OLIG2: variants seen among roughly 807,000 people sequenced by gnomAD.
OLIG2 encodes basic domain, helix-loop-helix protein, class B, 1.
Under a neutral mutation model 13.4 loss-of-function variants are expected in OLIG2, and 12 were observed. The ratio of observed to expected loss-of-function variants is 0.90; its 90% CI spans 0.58 to 1.46. The LOEUF (loss-of-function observed/expected upper bound fraction) is 1.46, where lower values mean the gene tolerates loss of function less well. Ranked by LOEUF, OLIG2 falls within the 40% of genes most tolerant of loss-of-function variation. The probability of loss-of-function intolerance (pLI) is 0.00; values close to 1 mark genes in which losing one functional copy is unlikely to be tolerated. For synonymous variants in OLIG2, 250 were observed against 233.6 expected (o/e 1.07, Z -0.64); for missense variants, 415 against 487.9 (o/e 0.85, Z 1.41).
In OLIG2 at chr21:33,026,964, C is replaced by A; in HGVS notation, c.102C>A (p.Phe34Leu). ...GTAAGGGCAGCAGCGGCAGCGCCTT[C>A]ACTGGGGGCACCGTGTCCTCGTCCA... ...ARSKGSSGSA[F>L]TGGTVSSSTP... The change falls in exon 2 of 2, where the codon TTC (phenylalanine) becomes TTA (leucine). Residue 34 changes from phenylalanine (F) to leucine (L), a missense_variant. Around this residue, in one of 3 missense-constraint regions of OLIG2, gnomAD observed 122 missense variants for 126.8 expected, o/e 0.96. Transcript: ENST00000382357. The surrounding 1 kb of genome is among the most constrained non-coding windows in gnomAD (Gnocchi z 6.6). The A allele has an allele frequency of 6.2e-7, 1 of 1,612,616 alleles. No individual in the cohort carries two copies. Among genetic ancestry groups the A allele is most frequent in the Non-Finnish European group, 8.5e-7 (1 of 1,179,856 alleles).
chr21:33,028,638 G>C lies in OLIG2; in HGVS notation c.*804G>C, dbSNP rs1568810372. 4.2e-6 allele frequency: 1 copy of C among 239,946 alleles called. No individual in the cohort carries two copies. The highest frequency in any genetic ancestry group is 5.7e-5 in the Admixed American group (1 of 17,482). The allele number at this position is 239,946 out of a possible 1,614,324, so 14.9% of individuals were successfully genotyped here. A position where few individuals can be genotyped will look rare whatever the true frequency, so the allele number is the denominator to read the frequency against. On this transcript the variant is annotated 3_prime_UTR_variant, in exon 2 of 2. Coordinates refer to ENST00000382357, the MANE Select transcript of OLIG2 (RefSeq NM_005806.4). ...CCCAAAACTGCCGATTTCAGGGGCG[G>C]GTGCATTGTAGTTATTATTTTAAAA...
chr21:33,028,180 A>C lies in OLIG2; in HGVS notation c.*346A>C. 3.6e-6 allele frequency: 1 copy of C among 281,136 alleles called. No homozygotes were observed. The highest frequency in any genetic ancestry group is 7.0e-6 in the Non-Finnish European group (1 of 142,640). 17.4% of individuals were successfully genotyped at this position (281,136 alleles called of 1,614,324 possible). A position where few individuals can be genotyped will look rare whatever the true frequency, so the allele number is the denominator to read the frequency against. On this transcript the variant is annotated 3_prime_UTR_variant, in exon 2 of 2. Coordinates refer to ENST00000382357, the MANE Select transcript of OLIG2 (RefSeq NM_005806.4). ...CCCACCTCCGGGAAAAGATTCTAAA[A>C]ACTTCTTTCCCTGAGAGCGTGGCCT...
In OLIG2 at chr21:33,028,244, A is replaced by T; in HGVS notation, c.*410A>T. On this transcript the variant is annotated 3_prime_UTR_variant, in exon 2 of 2. Coordinates refer to ENST00000382357, the MANE Select transcript of OLIG2 (RefSeq NM_005806.4). ...GGCTTGGGCAGCACTTCGGGGGGGG[A>T]GGGGGTGTTATGGGAGGGGGACACA... is the stretch of plus-strand genomic sequence containing the variant. 13 of 220,666 alleles carry T rather than the reference A, an allele frequency of 5.9e-5. No individual in the cohort carries two copies. Among genetic ancestry groups the T allele is most frequent in the Non-Finnish European group, 1.0e-4 (11 of 108,318 alleles). 13.7% of individuals were successfully genotyped at this position (220,666 alleles called of 1,614,324 possible). A position where few individuals can be genotyped will look rare whatever the true frequency, so the allele number is the denominator to read the frequency against.
In OLIG2 at chr21:33,026,972, G is replaced by T. The variant is rs752867059; in HGVS notation, c.110G>T (p.Gly37Val). ...AGCAGCGGCAGCGCCTTCACTGGGG[G>T]CACCGTGTCCTCGTCCACCCCGAGT... The part of the protein sequence containing the change: ...KGSSGSAFTG[G>V]TVSSSTPSDC... The change falls in exon 2 of 2, where the codon GGC becomes GTC. Residue 37 changes from glycine to valine, a missense_variant. This residue lies in a region of OLIG2 where 122 missense variants were observed against 126.8 expected (regional missense o/e 0.96). Coordinates refer to ENST00000382357, the MANE Select transcript of OLIG2 (RefSeq NM_005806.4). The surrounding 1 kb of genome is among the most constrained non-coding windows in gnomAD (Gnocchi z 6.6). 2 of 1,612,452 alleles carry T rather than the reference G, an allele frequency of 1.2e-6. No individual in the cohort carries two copies. Among genetic ancestry groups the T allele is most frequent in the South Asian group, 1.1e-5 (1 of 91,038 alleles).
Position 33,026,762 on chromosome 21 carries a change from C to G in OLIG2, c.-62-39C>G. On this transcript the variant is annotated intron_variant, in intron 1 of 1. Transcript: ENST00000382357. The surrounding 1 kb of genome is among the most constrained non-coding windows in gnomAD (Gnocchi z 6.6). The stretch of plus-strand genomic sequence containing the variant: ...ACTCTCTCTCTCTCTCCCTCTCTCT[C>G]TCTCTCATTCTCTCTCTTTTCTCCT... 7.1e-7 allele frequency: 1 copy of G among 1,402,792 alleles called. No individual in the cohort carries two copies. The highest frequency in any genetic ancestry group is 9.6e-7 in the Non-Finnish European group (1 of 1,039,800). 86.9% of individuals were successfully genotyped at this position (1,402,792 alleles called of 1,614,324 possible).
In OLIG2 at chr21:33,026,831, G is replaced by A; in HGVS notation, c.-32G>A. On this transcript the variant is annotated 5_prime_UTR_variant, in exon 2 of 2. Transcript: ENST00000382357. This position sits in a 1 kb window ranked among gnomAD's most constrained non-coding sequence, Gnocchi z 6.6. ...GGGTCCGAGGGAAGGAGGACCCTGC[G>A]AAAGCTGCGACGACTATCTTCCCCT... is the stretch of plus-strand genomic sequence containing the variant. 1 of 1,601,610 alleles carries A rather than the reference G, an allele frequency of 6.2e-7. No homozygotes were observed. Among genetic ancestry groups the A allele is most frequent in the Non-Finnish European group, 8.5e-7 (1 of 1,177,860 alleles).
At position 33,026,737 on chromosome 21, in the gene OLIG2, A is replaced by ACT. The variant is rs10653491; in HGVS notation, c.-62-50_-62-49dup. The ACT allele has an allele frequency of 8.6e-4, 949 of 1,098,194 alleles. No homozygotes were observed. Among genetic ancestry groups the ACT allele is most frequent in the African/African-American group, 1.9e-3 (111 of 59,854 alleles). The allele number at this position is 1,098,194 out of a possible 1,614,324, so 68.0% of individuals were successfully genotyped here. A position where few individuals can be genotyped will look rare whatever the true frequency, so the allele number is the denominator to read the frequency against. On this transcript the variant is annotated intron_variant, in intron 1 of 1. Transcript: ENST00000382357. This position sits in a 1 kb window ranked among gnomAD's most constrained non-coding sequence, Gnocchi z 6.6. ...CAGCTTTTCTGTCTCTCACTGACTC[A>ACT]CTCTCTCTCTCTCTCCCTCTCTCTC... is the stretch of plus-strand genomic sequence containing the variant.
At position 33,026,755 on chromosome 21, in the gene OLIG2, T is replaced by TCTCC; in HGVS notation, c.-62-43_-62-42insCCTC. 3 of 899,128 alleles carry TCTCC rather than the reference T, an allele frequency of 3.3e-6. No homozygotes were observed. Among genetic ancestry groups the TCTCC allele is most frequent in the African/African-American group, 1.7e-5 (1 of 59,756 alleles). The allele number at this position is 899,128 out of a possible 1,614,324, so 55.7% of individuals were successfully genotyped here. A position where few individuals can be genotyped will look rare whatever the true frequency, so the allele number is the denominator to read the frequency against. On this transcript the variant is annotated intron_variant, in intron 1 of 1. Transcript: ENST00000382357. The surrounding 1 kb of genome is among the most constrained non-coding windows in gnomAD (Gnocchi z 6.6). Reference sequence around the variant, plus strand: ...CTGACTCACTCTCTCTCTCTCTCCCTCTCTCTCTCTCTCATTCTCTCTCTT... The same window carrying TCTCC: ...CTGACTCACTCTCTCTCTCTCTCCCTCTCCCTCTCTCTCTCTCATTCTCTCTCTT...
chr21:33,026,440 C>T lies in OLIG2; in HGVS notation c.-62-361C>T. The T allele has an allele frequency of 4.9e-6, 1 of 202,690 alleles. No individual in the cohort carries two copies. The highest frequency in any genetic ancestry group is 1.0e-5 in the Non-Finnish European group (1 of 98,348). The allele number at this position is 202,690 out of a possible 1,614,324, so 12.6% of individuals were successfully genotyped here. A position where few individuals can be genotyped will look rare whatever the true frequency, so the allele number is the denominator to read the frequency against. ...TCCATTCTCCCCAAAGAAAGGCCCT[C>T]ACTTCCCACTCGTTTATTCCAGCCC... On this transcript the variant is annotated intron_variant, in intron 1 of 1. Coordinates refer to ENST00000382357, the MANE Select transcript of OLIG2 (RefSeq NM_005806.4). The surrounding 1 kb of genome is among the most constrained non-coding windows in gnomAD (Gnocchi z 6.6).
chr21:33,028,078 G>A lies in OLIG2; in HGVS notation c.*244G>A. On this transcript the variant is annotated 3_prime_UTR_variant, in exon 2 of 2. Coordinates refer to ENST00000382357, the MANE Select transcript of OLIG2 (RefSeq NM_005806.4). Reference sequence around the variant, plus strand: ...CGAGCGCTGTCTGGCTTTAACCTGAGCTGGTCCAGTAGACATCGTTTTATG... The same window carrying A: ...CGAGCGCTGTCTGGCTTTAACCTGAACTGGTCCAGTAGACATCGTTTTATG... The A allele has an allele frequency of 2.3e-6, 1 of 428,558 alleles. No individual in the cohort carries two copies. Among genetic ancestry groups the A allele is most frequent in the Non-Finnish European group, 4.2e-6 (1 of 236,262 alleles). The allele number at this position is 428,558 out of a possible 1,614,324, so 26.5% of individuals were successfully genotyped here.
In OLIG2 at chr21:33,026,997, T is replaced by A; in HGVS notation, c.135T>A (p.Ser45Arg). ...GCACCGTGTCCTCGTCCACCCCGAG[T>A]GACTGCCCGCCGGAGCTGAGCGCCG... Reference protein sequence around the residue: ...TGGTVSSSTPSDCPPELSAEL... With the variant: ...TGGTVSSSTPRDCPPELSAEL... Residue 45 changes from serine (S) to arginine (R), a missense_variant, in exon 2 of 2, where the codon AGT becomes AGA. By Grantham distance (110) the Ser-to-Arg change is moderately radical. Around this residue, in one of 3 missense-constraint regions of OLIG2, gnomAD observed 122 missense variants for 126.8 expected, o/e 0.96. Transcript: ENST00000382357. The surrounding 1 kb of genome is among the most constrained non-coding windows in gnomAD (Gnocchi z 6.6). 1 of 1,612,020 alleles carries A rather than the reference T, an allele frequency of 6.2e-7. No homozygotes were observed.
In OLIG2 at chr21:33,027,307, A is replaced by G. The variant is rs1280209271; in HGVS notation, c.445A>G (p.Ile149Val). The G allele has an allele frequency of 1.2e-6, 2 of 1,602,508 alleles. No homozygotes were observed. The highest frequency in any genetic ancestry group is 1.7e-6 in the Non-Finnish European group (2 of 1,174,932). Residue 149 changes from isoleucine to valine, a missense_variant, in exon 2 of 2, where the codon ATC becomes GTC. This residue lies in a region of OLIG2 where 50 missense variants were observed against 119.9 expected (regional missense o/e 0.42). Coordinates refer to ENST00000382357, the MANE Select transcript of OLIG2 (RefSeq NM_005806.4). ...HGPSVRKLSK[I>V]ATLLLARNYI... is the part of the protein sequence containing the mutation. ...CCCTTCGGTGCGCAAGCTTTCCAAG[A>G]TCGCCACGCTGCTGCTGGCGCGCAA...
At position 33,026,722 on chromosome 21, in the gene OLIG2, G is replaced by A; in HGVS notation, c.-62-79G>A. 5.4e-6 allele frequency: 6 copies of A among 1,109,464 alleles called. No homozygotes were observed. Among genetic ancestry groups the A allele is most frequent in the Non-Finnish European group, 7.5e-6 (6 of 798,264 alleles). The allele number at this position is 1,109,464 out of a possible 1,614,324, so 68.7% of individuals were successfully genotyped here. ...CGGTGCAGGCGGGAGCAGCTTTTCT[G>A]TCTCTCACTGACTCACTCTCTCTCT... On this transcript the variant is annotated intron_variant, in intron 1 of 1. Transcript: ENST00000382357. This position sits in a 1 kb window ranked among gnomAD's most constrained non-coding sequence, Gnocchi z 6.6.
chr21:33,029,026 T>C lies in OLIG2; in HGVS notation c.*1192T>C. The stretch of plus-strand genomic sequence containing the variant: ...TGCCTGCGTTGCAAACTGGGCTTTG[T>C]AGCGTCTGCCGTGTAACACCCTTCC... On this transcript the variant is annotated 3_prime_UTR_variant, in exon 2 of 2. Transcript: ENST00000382357. The C allele has an allele frequency of 4.2e-6, 1 of 240,664 alleles. No individual in the cohort carries two copies. The highest frequency in any genetic ancestry group is 8.8e-6 in the Non-Finnish European group (1 of 113,396). The allele number at this position is 240,664 out of a possible 1,614,324, so 14.9% of individuals were successfully genotyped here.
chr21:33,028,727 A>G lies in OLIG2; in HGVS notation c.*893A>G, dbSNP rs1254721509. The G allele has an allele frequency of 4.1e-6, 1 of 241,094 alleles. No homozygotes were observed. The highest frequency in any genetic ancestry group is 2.2e-5 in the African/African-American group (1 of 44,906). 14.9% of individuals were successfully genotyped at this position (241,094 alleles called of 1,614,324 possible). A position where few individuals can be genotyped will look rare whatever the true frequency, so the allele number is the denominator to read the frequency against. ...CACAAAGTGATTTGGTTATTTTGGT[A>G]CCTGAGAACGTAACAGAATTAAAAG... On this transcript the variant is annotated 3_prime_UTR_variant, in exon 2 of 2. Transcript: ENST00000382357.
In OLIG2 at chr21:33,029,036, CG is replaced by C. The variant is rs1401565131; in HGVS notation, c.*1203del. ...GCAAACTGGGCTTTGTAGCGTCTGC[CG>C]TGTAACACCCTTCCTCTGATCGCAC... On this transcript the variant is annotated 3_prime_UTR_variant, in exon 2 of 2. Transcript: ENST00000382357. 3 of 240,178 alleles carry C rather than the reference CG, an allele frequency of 1.2e-5. No homozygotes were observed. Among genetic ancestry groups the C allele is most frequent in the African/African-American group, 2.2e-5 (1 of 44,886 alleles). The allele number at this position is 240,178 out of a possible 1,614,324, so 14.9% of individuals were successfully genotyped here.
At position 33,026,628 on chromosome 21, in the gene OLIG2, C is replaced by T. The variant is rs1981081054; in HGVS notation, c.-62-173C>T. ...TACCCGCGTGCAGCTAAAAGGAGGGCCAGAGATAGTAGCGAGGGGGACGAG... is the reference window on the plus strand; with the variant it reads ...TACCCGCGTGCAGCTAAAAGGAGGGTCAGAGATAGTAGCGAGGGGGACGAG... On this transcript the variant is annotated intron_variant, in intron 1 of 1. Transcript: ENST00000382357. The surrounding 1 kb of genome is among the most constrained non-coding windows in gnomAD (Gnocchi z 6.6). 3.4e-6 allele frequency: 2 copies of T among 587,174 alleles called. No homozygotes were observed. Among genetic ancestry groups the T allele is most frequent in the Non-Finnish European group, 6.0e-6 (2 of 330,970 alleles). 36.4% of individuals were successfully genotyped at this position (587,174 alleles called of 1,614,324 possible).
At position 33,026,903 on chromosome 21, in the gene OLIG2, C is replaced by A; in HGVS notation, c.41C>A (p.Ser14Ter). The A allele has an allele frequency of 6.2e-7, 1 of 1,611,506 alleles. No individual in the cohort carries two copies. Among genetic ancestry groups the A allele is most frequent in the South Asian group, 1.1e-5 (1 of 91,082 alleles). ...DASLVSSRPS[S>*]PEPDDLFLPA... ...AGCCTGGTGTCCAGCCGCCCGTCGTCGCCAGAGCCCGATGACCTTTTTCTG... is the reference window on the plus strand; with the variant it reads ...AGCCTGGTGTCCAGCCGCCCGTCGTAGCCAGAGCCCGATGACCTTTTTCTG... Residue 14 changes from serine (S) to a stop codon, truncating the protein, a stop_gained, in exon 2 of 2, where the codon TCG (serine) becomes TAG (stop). Coordinates refer to ENST00000382357, the MANE Select transcript of OLIG2 (RefSeq NM_005806.4). LOFTEE classifies it high-confidence loss of function. The surrounding 1 kb of genome is among the most constrained non-coding windows in gnomAD (Gnocchi z 6.6).
chr21:33,027,156 G>C lies in OLIG2; in HGVS notation c.294G>C (p.Lys98Asn), dbSNP rs1214846500. ...CTGCGTCGTCCACCAAGAAGGACAAGAAGCAAATGACAGAGCCGGAGCTGC... is the reference window on the plus strand; with the variant it reads ...CTGCGTCGTCCACCAAGAAGGACAACAAGCAAATGACAGAGCCGGAGCTGC... ...SAAASSTKKD[K>N]KQMTEPELQQ... The change falls in exon 2 of 2, where the codon AAG (lysine) becomes AAC (asparagine). Residue 98 changes from lysine to asparagine, a missense_variant. Lys to Asn is a moderately conservative substitution (Grantham distance 94). Transcript: ENST00000382357. The C allele has an allele frequency of 6.2e-7, 1 of 1,611,564 alleles. No homozygotes were observed. Among genetic ancestry groups the C allele is most frequent in the Non-Finnish European group, 8.5e-7 (1 of 1,179,318 alleles).
Sources: gnomAD v4.1 joint callset for allele counts on GRCh38, gnomAD v4.1.1 for gene constraint, gnomAD v4.1.1 regional missense constraint, Gnocchi (gnomAD v3.1) non-coding constraint, MANE v1.5 for transcripts, NCBI Gene and HGNC (gene_info 2026-07-23, HGNC 2026-07-21) for gene names.